Variants in SEMA6D observed in about 807,000 individuals in gnomAD.
SEMA6D encodes semaphorin-6D.
Under a neutral mutation model 106.6 loss-of-function variants are expected in SEMA6D, and 35 were observed. The observed-to-expected ratio is 0.33, with a 90% CI of 0.25 to 0.44. The LOEUF is 0.44. SEMA6D is among the 20% of genes least tolerant of loss of function. The probability of loss-of-function intolerance (pLI) is 1.00; values close to 1 mark genes in which losing one functional copy is unlikely to be tolerated. For synonymous variants in SEMA6D, 499 were observed against 487.7 expected (o/e 1.02, Z -0.31); for missense variants, 1,185 against 1,345.9 (o/e 0.88, Z 1.87).
Position 47,772,698 on chromosome 15 carries a change from C to T in SEMA6D, c.*913C>T, listed in dbSNP as rs577738868. 10 of 152,364 alleles carry T rather than the reference C, an allele frequency of 6.6e-5. No individual in the cohort carries two copies. In the South Asian group the frequency reaches 8.3e-4, roughly 13 times the overall value. The allele number at this position is 152,364 out of a possible 1,614,324, so 9.4% of individuals were successfully genotyped here. A position where few individuals can be genotyped will look rare whatever the true frequency, so the allele number is the denominator to read the frequency against. On this transcript the variant is annotated 3_prime_UTR_variant, in exon 19 of 19. Coordinates refer to ENST00000536845, the MANE Select transcript of SEMA6D (RefSeq NM_001358351.3). ...TAAGAGGTATCCTTGATTTATTTTC[C>T]AGTATTCAGTAGTAAAATTTTCCTG...
rs2147997054 is a variant in SEMA6D, at chr15:47,771,968, T to C, written c.*183T>C. On this transcript the variant is annotated 3_prime_UTR_variant, in exon 19 of 19. Coordinates refer to ENST00000536845, the MANE Select transcript of SEMA6D (RefSeq NM_001358351.3). ...CATGTAGCTACTGCAGCAAGGCTTC[T>C]GTGTACTTGCCTGAAAACAAAGGAA... 1.6e-6 allele frequency: 1 copy of C among 613,228 alleles called. No individual in the cohort carries two copies. The highest frequency in any genetic ancestry group is 2.7e-5 in the East Asian group (1 of 36,374). The allele number at this position is 613,228 out of a possible 1,614,324, so 38.0% of individuals were successfully genotyped here. A position where few individuals can be genotyped will look rare whatever the true frequency, so the allele number is the denominator to read the frequency against.
Position 47,638,933 on chromosome 15 carries a change from C to T in SEMA6D, c.-55+38037C>T, listed in dbSNP as rs538529754. Reference sequence around the variant, plus strand: ...ACTTGGTCTCAGGAAAAAGGCTGGTCCCCAGCTGCAACCACTTCTGATATT... The same window carrying T: ...ACTTGGTCTCAGGAAAAAGGCTGGTTCCCAGCTGCAACCACTTCTGATATT... On this transcript the variant is annotated intron_variant, in intron 4 of 19. Transcript: ENST00000558014. Among the ~76,000 whole-genome samples the T allele has an allele frequency of 3.3e-5, 5 of 152,298 alleles. No individual in the cohort carries two copies. In the East Asian group the frequency reaches 7.7e-4, roughly 24 times the overall value.
intron 4 of SEMA6D, among the ~76,000 whole-genome samples, chr15:47,696,006 A>G (rs1262442036): frequency 1.3e-5 from 2 of 152,210 alleles, no homozygotes; most frequent in Admixed American, 1.3e-4. Flanking sequence ...ACCGATGTGC[A>G]TGTATGTTTA....
intron 3 of SEMA6D, among the ~76,000 whole-genome samples, chr15:47,506,735 C>T (rs1186117776): frequency 6.6e-6 from 1 of 152,044 alleles, no homozygotes; most frequent in Non-Finnish European, 1.5e-5. Context: ...TCTATGTTGA[C>T]TTTACATTGG....
At position 47,277,616 on chromosome 15, in the gene SEMA6D, A is replaced by ATTTT. The variant is rs537046889; in HGVS notation, c.-239+93200_-239+93201insTTTT. ...ATTATTATTATTATTATTATTATTT[A>ATTTT]TTATTATTATTATACTTTAAGTTTT... is the stretch of plus-strand genomic sequence containing the variant. On this transcript the variant is annotated intron_variant, in intron 1 of 19. Transcript: ENST00000558014. 2.0e-3 allele frequency among the ~76,000 whole-genome samples: 277 copies of ATTTT among 137,212 alleles called. 1 individual carries two copies. The highest frequency in any genetic ancestry group is 7.9e-3 in the African/African-American group (272 of 34,520). 90.0% of individuals were successfully genotyped at this position (137,212 alleles called of 152,430 possible). A position where few individuals can be genotyped will look rare whatever the true frequency, so the allele number is the denominator to read the frequency against.
intron 3 of SEMA6D, among the ~76,000 whole-genome samples, chr15:47,471,613 C>G (rs2042840863): frequency 6.6e-6 from 1 of 152,084 alleles, no homozygotes; most frequent in African/African-American, 2.4e-5. Flanking sequence ...GGTTGATTCT[C>G]TGAGAAAGGC....
At chr15:47,564,032 C>T (rs2142751229) in intron 3 of SEMA6D, among the ~76,000 whole-genome samples, 1 of 152,304 alleles carries the variant, frequency 6.6e-6, no homozygotes, top group Middle Eastern at 3.4e-3. Flanking sequence ...TTCTGACCAC[C>T]ATTTAATTAT....
intron 1 of SEMA6D, among the ~76,000 whole-genome samples, chr15:47,357,362 A>AATAAATAAATAAC (rs1567023208): frequency 6.6e-6 from 1 of 151,912 alleles, no homozygotes; most frequent in African/African-American, 2.4e-5. Context: ...AAATAAATAA[A>AATAAATAAATAAC]ATGGGACTGT....
At chr15:47,341,081 T>G (rs528627292) in intron 1 of SEMA6D, among the ~76,000 whole-genome samples, 1 of 152,230 alleles carries the variant, frequency 6.6e-6, no homozygotes, top group East Asian at 1.9e-4. Context: ...TTATGTTTTT[T>G]AACAATACCA....
At chr15:47,190,882 A>G (rs998239456) in intron 1 of SEMA6D, among the ~76,000 whole-genome samples, 7 of 152,156 alleles carry the variant, frequency 4.6e-5, no homozygotes, top group Admixed American at 4.6e-4. Flanking sequence ...TAAACTTGAC[A>G]TCCTTGATTG....
At chr15:47,553,195 C>T (rs958597193) in intron 3 of SEMA6D, among the ~76,000 whole-genome samples, 3 of 151,740 alleles carry the variant, frequency 2.0e-5, no homozygotes, top group South Asian at 4.2e-4. Context: ...TGAGCCACCG[C>T]GCCCAGCCAA....
intron 1 of SEMA6D, among the ~76,000 whole-genome samples, chr15:47,318,114 T>G (rs376384317): frequency 6.6e-6 from 1 of 150,762 alleles, no homozygotes; most frequent in East Asian, 1.9e-4. Context: ...AGTTGGCCCC[T>G]TCCCCTGACC....
intron 2 of SEMA6D, among the ~76,000 whole-genome samples, chr15:47,457,371 A>G (rs563951943): frequency 1.1e-3 from 160 of 152,028 alleles, no homozygotes; most frequent in Non-Finnish European, 1.9e-3. Flanking sequence ...ATCAATCAAT[A>G]TAAGAAGATT....
At chr15:47,570,768 T>C (rs773627210) in intron 3 of SEMA6D, among the ~76,000 whole-genome samples, 19 of 152,170 alleles carry the variant, frequency 1.2e-4, no homozygotes, top group Non-Finnish European at 2.6e-4. Flanking sequence ...ACTTTACAGC[T>C]CTTCCCAGAC....
chr15:47,496,276 G>A (rs542941495), intron 3 of SEMA6D, among the ~76,000 whole-genome samples: 62 of 152,048 alleles, frequency 4.1e-4, no homozygotes, highest in Non-Finnish European at 7.7e-4. Flanking sequence ...AAGTGCTGGT[G>A]CTATTTAAGC....
intron 4 of SEMA6D, among the ~76,000 whole-genome samples, chr15:47,616,894 G>C (rs2077017880): frequency 6.6e-6 from 1 of 152,146 alleles, no homozygotes; most frequent in South Asian, 2.1e-4. Context: ...CACATATGTT[G>C]AGAAGTATTT....
At chr15:47,365,914 AGAGAGAGAG>A (rs1567029463) in intron 1 of SEMA6D, among the ~76,000 whole-genome samples, 9 of 147,084 alleles carry the variant, frequency 6.1e-5, no homozygotes, top group Admixed American at 5.5e-4. Context: ...AGAGAGAGAG[AGAGAGAGAG>A]AAAAGAAAGA....
chr15:47,281,586 T>G (rs1253094189), intron 1 of SEMA6D, among the ~76,000 whole-genome samples: 3 of 152,160 alleles, frequency 2.0e-5, no homozygotes, highest in East Asian at 1.9e-4. Context: ...GTTAGCTGGT[T>G]ATTTTGCTCG....
At chr15:47,329,430 G>A (rs1567002292) in intron 1 of SEMA6D, among the ~76,000 whole-genome samples, 1 of 152,204 alleles carries the variant, frequency 6.6e-6, no homozygotes, top group Non-Finnish European at 1.5e-5. Context: ...GATATTTAGA[G>A]ATAGAAATAG....
Sources: allele counts gnomAD v4.1 joint callset (sites outside exome capture counted in the v4.1 genomes callset), GRCh38; gene constraint gnomAD v4.1.1; transcripts MANE v1.5; gene names NCBI Gene and HGNC (gene_info 2026-07-23, HGNC 2026-07-21).